DGCR2: variants seen among roughly 807,000 people sequenced by gnomAD.
DGCR2 encodes the protein integral membrane protein DGCR2/IDD.
Under a neutral mutation model 51.6 loss-of-function variants are expected in DGCR2, and 24 were observed. That is an observed-to-expected ratio of 0.47 (90% CI 0.34 to 0.65). DGCR2 has a LOEUF of 0.65. Among genes scored for constraint, DGCR2 ranks in the 30% least tolerant of loss-of-function variants. The pLI is 0.01. For synonymous variants in DGCR2, 340 were observed against 315.4 expected, an observed-to-expected ratio of 1.08 and a Z score of -0.82; for missense variants, 765 against 772.1, an observed-to-expected ratio of 0.99 and a Z score of 0.11.
At chr22:19,077,469 T>A (rs2082891008) in intron 2 of DGCR2, among the ~76,000 whole-genome samples, 1 of 152,224 alleles carries the variant, frequency 6.6e-6, no homozygotes, top group Non-Finnish European at 1.5e-5. Flanking sequence ...GGTAATGGCA[T>A]CCTTGTGGAA....
chr22:19,086,234 T>C, intron 2 of DGCR2, among the ~76,000 whole-genome samples: 1 of 151,988 alleles, frequency 6.6e-6, no homozygotes, highest in East Asian at 1.9e-4. Context: ...TCCCAGCACT[T>C]TGGGAGGCCG....
intron 1 of DGCR2, among the ~76,000 whole-genome samples, chr22:19,100,976 C>T (rs1569082967): frequency 1.3e-5 from 2 of 150,748 alleles, no homozygotes; most frequent in Non-Finnish European, 3.0e-5. Context: ...CGTGGTGGCA[C>T]GCTCCTGTAG....
At chr22:19,061,144 T>C in intron 5 of DGCR2, 1 of 236,234 alleles carries the variant, frequency 4.2e-6, no homozygotes, top group South Asian at 4.4e-5. Flanking sequence ...TTGGGTATTT[T>C]TGGGGGGGCC....
intron 1 of DGCR2, among the ~76,000 whole-genome samples, chr22:19,116,655 T>A (rs1373279031): frequency 6.6e-6 from 1 of 152,024 alleles, no homozygotes; most frequent in African/African-American, 2.4e-5. Context: ...GGAAAAGACA[T>A]CTAATCAGTC....
chr22:19,054,947 C>A (rs2082585878), intron 6 of DGCR2, among the ~76,000 whole-genome samples: 1 of 152,042 alleles, frequency 6.6e-6, no homozygotes, highest in Non-Finnish European at 1.5e-5. Context: ...GAAACGCCAT[C>A]TCTACTAAAA....
At chr22:19,113,556 C>T (rs903180740) in intron 1 of DGCR2, among the ~76,000 whole-genome samples, 3 of 152,022 alleles carry the variant, frequency 2.0e-5, no homozygotes, top group Non-Finnish European at 4.4e-5. Flanking sequence ...CAAAAGGAAC[C>T]AGCGCTCTGT....
At chr22:19,053,966 T>G (rs572179527) in intron 6 of DGCR2, among the ~76,000 whole-genome samples, 6 of 152,284 alleles carry the variant, frequency 3.9e-5, no homozygotes, top group African/African-American at 1.4e-4. Flanking sequence ...AGGAAAGAAT[T>G]AGTAAACCTG....
In DGCR2 at chr22:19,065,027, T is replaced by C; in HGVS notation, c.369A>G (p.Glu123=). The part of the protein sequence containing the change: ...GKCPTGWHHY[E]GTASCYRVYL... The stretch of plus-strand genomic sequence containing the variant: ...AGACCCGGTAGCAGCTGGCCGTGCC[T>C]TCGTAGTGGTGCCACCCTGTCGGGC... Residue 123 remains glutamate, a synonymous_variant, in exon 4 of 10, where the codon GAA becomes GAG. Transcript: ENST00000263196. The C allele has an allele frequency of 6.2e-7, 1 of 1,614,034 alleles. No homozygotes were observed. Among genetic ancestry groups the C allele is most frequent in the Non-Finnish European group, 8.5e-7 (1 of 1,180,034 alleles).
rs780970616 is a variant in DGCR2 at position 19,048,459 on chromosome 22, C to T, written c.987G>A (p.Lys329=). Residue 329 remains lysine (K), a synonymous_variant, in exon 7 of 10, where the codon AAG becomes AAA. Transcript: ENST00000263196. ...TCTCACCTGGGTCCAGACACATGAA[C>T]TTGCAGCACTCTTTGGGGTCCTTGC... The part of the protein sequence containing the change: ...QYRKDPKECC[K]FMCLDPDGNS... 6.2e-7 allele frequency: 1 copy of T among 1,614,224 alleles called. No homozygotes were observed. The highest frequency in any genetic ancestry group is 8.5e-7 in the Non-Finnish European group (1 of 1,180,038).
At chr22:19,072,642 A>C (rs890192422) in intron 2 of DGCR2, among the ~76,000 whole-genome samples, 4 of 152,110 alleles carry the variant, frequency 2.6e-5, no homozygotes, top group African/African-American at 9.7e-5. Context: ...GGGAGGCCCG[A>C]GGTGGGCAGA....
At chr22:19,091,545 G>A (rs2793072) in intron 1 of DGCR2, among the ~76,000 whole-genome samples, 62,693 of 152,084 alleles carry the variant, frequency 0.41, 13,370 homozygotes, top group African/African-American at 0.53. Context: ...AGAAACTACT[G>A]TAACTGCTAA....
At chr22:19,047,808 G>A (rs1439744871) in intron 7 of DGCR2, 2 of 152,930 alleles carry the variant, frequency 1.3e-5, no homozygotes, top group Non-Finnish European at 2.9e-5. Context: ...AGATTCTAAG[G>A]TAAAAATGGA....
intron 6 of DGCR2, among the ~76,000 whole-genome samples, chr22:19,048,899 C>T (rs1381181456): frequency 3.9e-5 from 6 of 152,194 alleles, no homozygotes; most frequent in African/African-American, 1.4e-4. Context: ...AGCTGACCTT[C>T]CCCACCTGGG....
At chr22:19,108,123 G>A (rs2083277487) in intron 1 of DGCR2, among the ~76,000 whole-genome samples, 2 of 152,290 alleles carry the variant, frequency 1.3e-5, no homozygotes, top group East Asian at 1.9e-4. Context: ...CCCCCACGAA[G>A]CTCAGATTTT....
intron 8 of DGCR2, 80 bp downstream of exon 8, chr22:19,041,727 G>C: frequency 6.7e-7 from 1 of 1,502,464 alleles, no homozygotes; most frequent in Non-Finnish European, 9.1e-7. Context: ...TCTCTGTCCA[G>C]GGCTGGGGAG....
intron 1 of DGCR2, among the ~76,000 whole-genome samples, chr22:19,101,855 G>A (rs938183739): frequency 6.6e-6 from 1 of 151,790 alleles, no homozygotes; most frequent in African/African-American, 2.4e-5. Flanking sequence ...AGGAGCTCAA[G>A]GTCAGCCTAG....
At chr22:19,089,021 C>T (rs1198342000) in intron 2 of DGCR2, among the ~76,000 whole-genome samples, 1 of 152,078 alleles carries the variant, frequency 6.6e-6, no homozygotes, top group African/African-American at 2.4e-5. Flanking sequence ...CATCCAGAGC[C>T]AGGATGGGGA....
intron 1 of DGCR2, among the ~76,000 whole-genome samples, chr22:19,120,872 AC>A (rs756949488): frequency 2.6e-5 from 4 of 152,170 alleles, no homozygotes; most frequent in South Asian, 2.1e-4. Flanking sequence ...TACCAAGGCC[AC>A]CCCACAACTA....
intron 2 of DGCR2, among the ~76,000 whole-genome samples, chr22:19,084,693 CTGCCCCGTCCGGGAGGGAGGTGGGGGGT>C (rs2082990334): frequency 2.7e-5 from 3 of 112,186 alleles, no homozygotes; most frequent in Non-Finnish European, 6.2e-5. Context: ...GCCCGGCCAG[CTGCCCCGTCCGGGAGGGAGGTGGGGGGT>C]CAGCCCCCGC....
Sources: allele counts gnomAD v4.1 joint callset (sites outside exome capture counted in the v4.1 genomes callset), GRCh38; gene constraint gnomAD v4.1.1; transcripts MANE v1.5; gene names NCBI Gene and HGNC (gene_info 2026-07-23, HGNC 2026-07-21).